Variants in DOCK5 observed in about 807,000 individuals in gnomAD.
The protein encoded by DOCK5 is dedicator of cytokinesis 5.
DOCK5 carries 142 observed loss-of-function variants against 251.8 expected under a neutral mutation model. That is an observed-to-expected ratio of 0.56 (90% confidence interval 0.49 to 0.65). The LOEUF (loss-of-function observed/expected upper bound fraction) is 0.65. Among genes scored for constraint, DOCK5 ranks in the 30% least tolerant of loss-of-function variants. The probability of loss-of-function intolerance (pLI) is 0.00; values close to 1 mark genes in which losing one functional copy is unlikely to be tolerated. For missense variants in DOCK5, 2,111 were observed against 2,312.3 expected (o/e 0.91, Z 1.79); for synonymous variants, 842 against 835.5 (o/e 1.01, Z -0.13).
At chr8:25,275,921 A>C (rs1359446471) in intron 4 of DOCK5, among the ~76,000 whole-genome samples, 1 of 152,238 alleles carries the variant, frequency 6.6e-6, no homozygotes, top group Non-Finnish European at 1.5e-5. Flanking sequence ...CTTTTCACTC[A>C]TACAATTCCT....
chr8:25,333,003 A>C (rs2117218885), intron 20 of DOCK5, among the ~76,000 whole-genome samples: 1 of 152,346 alleles, frequency 6.6e-6, no homozygotes, highest in East Asian at 1.9e-4. Context: ...GAGCATTGTT[A>C]CATGTTGGAT....
At position 25,380,334 on chromosome 8, in the gene DOCK5, A is replaced by G; in HGVS notation, c.3966A>G (p.Lys1322=). 9.3e-6 allele frequency: 15 copies of G among 1,612,202 alleles called. No individual in the cohort carries two copies. Among genetic ancestry groups the G allele is most frequent in the Non-Finnish European group, 1.3e-5 (15 of 1,179,124 alleles). Residue 1322 remains lysine, a synonymous_variant, in exon 39 of 52, where the codon AAA becomes AAG. Transcript: ENST00000276440. ...GGGAGAAGGCCATCAAGCTGAGCAA[A>G]GAGTTGGCTGAGACTTACGAAAGCA... is the stretch of plus-strand genomic sequence containing the variant. ...KMWEKAIKLS[K]ELAETYESKV...
At chr8:25,382,324 C>T (rs1021931885) in intron 39 of DOCK5, among the ~76,000 whole-genome samples, 5 of 152,162 alleles carry the variant, frequency 3.3e-5, no homozygotes, top group African/African-American at 9.7e-5. Context: ...TAAGTGCAGC[C>T]GCCTTCTGTG....
At chr8:25,355,349 A>G (rs527310965) in intron 27 of DOCK5, among the ~76,000 whole-genome samples, 4 of 152,338 alleles carry the variant, frequency 2.6e-5, no homozygotes, top group East Asian at 3.9e-4. Context: ...AGTAAAAATA[A>G]TTGTCATTAT....
rs150680064 is a variant in DOCK5, at chr8:25,411,197, G to A, written c.5512G>A (p.Ala1838Thr). 8.4e-5 allele frequency: 132 copies of A among 1,563,518 alleles called. No individual in the cohort carries two copies. In the African/African-American group the frequency reaches 1.6e-3, roughly 19 times the overall value. Residue 1838 changes from alanine to threonine, a missense_variant, in exon 52 of 52, where the codon GCT (alanine) becomes ACT (threonine). Coordinates refer to ENST00000276440, the MANE Select transcript of DOCK5 (RefSeq NM_024940.8). The stretch of plus-strand genomic sequence containing the variant: ...TTTTGTGTTTCTGCTTCTGCAGCTC[G>A]CTCCCCCACTGCCTGTCCGAAGAGA... ...EGSQRNSTEL[A>T]PPLPVRREAK...
chr8:25,199,373 C>G (rs1563305070), intron 1 of DOCK5, among the ~76,000 whole-genome samples: 2 of 134,328 alleles, frequency 1.5e-5, no homozygotes, highest in Non-Finnish European at 3.1e-5. Flanking sequence ...TCCATTTCCG[C>G]TCTGTTCTTT....
Position 25,411,289 on chromosome 8 carries a change from A to G in DOCK5, c.5604A>G (p.Gly1868=). 6.4e-7 allele frequency: 1 copy of G among 1,552,968 alleles called. No individual in the cohort carries two copies. The highest frequency in any genetic ancestry group is 8.7e-7 in the Non-Finnish European group (1 of 1,153,054). The change falls in exon 52 of 52, where the codon GGA becomes GGG. Residue 1868 remains glycine, a synonymous_variant. Coordinates refer to ENST00000276440, the MANE Select transcript of DOCK5 (RefSeq NM_024940.8). The part of the protein sequence containing the change: ...RKSGIPTSEP[G]SQ ...CTGGCATCCCTACTTCCGAGCCTGGATCCCAGTAAGGATCTTGCCCTCCCT... is the reference window on the plus strand; with the variant it reads ...CTGGCATCCCTACTTCCGAGCCTGGGTCCCAGTAAGGATCTTGCCCTCCCT...
chr8:25,230,968 A>G (rs1802653360), intron 1 of DOCK5, among the ~76,000 whole-genome samples: 1 of 152,154 alleles, frequency 6.6e-6, no homozygotes, highest in South Asian at 2.1e-4. Context: ...GATTCTCAGT[A>G]TATTAATCCT....
intron 1 of DOCK5, among the ~76,000 whole-genome samples, chr8:25,199,211 A>G (rs1358788853): frequency 2.0e-5 from 3 of 152,178 alleles, no homozygotes; most frequent in Non-Finnish European, 4.4e-5. Context: ...GGGTGAAGAA[A>G]GGGTCATGTA....
In DOCK5 at chr8:25,262,210, A is replaced by G. The variant is rs144022767; in HGVS notation, c.128-6635A>G. Among the ~76,000 whole-genome samples the G allele has an allele frequency of 2.4e-3, 362 of 152,264 alleles. 4 individuals are homozygous for G. Among genetic ancestry groups the G allele is most frequent in the African/African-American group, 8.3e-3 (345 of 41,558 alleles). The stretch of plus-strand genomic sequence containing the variant: ...CAGTTGCTCCATCTCCTTACCAGTG[A>G]TTGGCACAGTCAATCTTTTTAACTT... On this transcript the variant is annotated intron_variant, in intron 2 of 51. Coordinates refer to ENST00000276440, the MANE Select transcript of DOCK5 (RefSeq NM_024940.8).
At chr8:25,342,262 C>G in intron 24 of DOCK5, 139 bp from the exon 25 acceptor site, 1 of 612,494 alleles carries the variant, frequency 1.6e-6, no homozygotes, top group East Asian at 3.1e-5. Context: ...GCTGCCATGT[C>G]ATAAACTCTC....
chr8:25,197,523 A>G (rs1313241665), intron 1 of DOCK5, among the ~76,000 whole-genome samples: 1 of 150,918 alleles, frequency 6.6e-6, no homozygotes, highest in African/African-American at 2.4e-5. Flanking sequence ...TATCCACATC[A>G]GATAATAGTT....
intron 14 of DOCK5, chr8:25,317,345 C>T: frequency 2.1e-6 from 1 of 485,268 alleles, no homozygotes; most frequent in South Asian, 3.8e-5. Flanking sequence ...TTATATTTCT[C>T]CTGTGCTAAG....
At chr8:25,388,928 A>T in intron 40 of DOCK5, 163 bp from the exon 41 acceptor site, 1 of 633,670 alleles carries the variant, frequency 1.6e-6, no homozygotes, top group South Asian at 2.0e-5. Flanking sequence ...CTCTTGTAGG[A>T]TATGATGGTC....
chr8:25,217,549 T>G (rs1336698936), intron 1 of DOCK5, among the ~76,000 whole-genome samples: 1 of 152,136 alleles, frequency 6.6e-6, no homozygotes, highest in Non-Finnish European at 1.5e-5. Context: ...ATCAGGCAAA[T>G]AGAGTTGTTC....
At chr8:25,392,621 C>G (rs1801280991) in intron 43 of DOCK5, among the ~76,000 whole-genome samples, 175 bp from the exon 44 acceptor site, 2 of 152,176 alleles carry the variant, frequency 1.3e-5, no homozygotes, top group African/African-American at 4.8e-5. Context: ...CTTTAAACAT[C>G]CAGAATCCTT....
Position 25,414,144 on chromosome 8 carries a change from C to A in DOCK5, c.*2846C>A, listed in dbSNP as rs977978302. On this transcript the variant is annotated 3_prime_UTR_variant, in exon 52 of 52. Coordinates refer to ENST00000276440, the MANE Select transcript of DOCK5 (RefSeq NM_024940.8). ...TTCCTCTCTTTCTTTGTTCTAGTGA[C>A]TTGTCTTGCTTTAAGATTTTTTTTA... is the stretch of plus-strand genomic sequence containing the variant. The A allele has an allele frequency of 6.6e-6, 1 of 152,056 alleles. No homozygotes were observed. The highest frequency in any genetic ancestry group is 1.5e-5 in the Non-Finnish European group (1 of 68,020). 9.4% of individuals were successfully genotyped at this position (152,056 alleles called of 1,614,324 possible). A position where few individuals can be genotyped will look rare whatever the true frequency, so the allele number is the denominator to read the frequency against.
chr8:25,402,613 T>G (rs947587031), intron 47 of DOCK5, among the ~76,000 whole-genome samples: 8 of 151,894 alleles, frequency 5.3e-5, no homozygotes, highest in African/African-American at 1.9e-4. Flanking sequence ...AGCTAATTTT[T>G]AAAACTTTTT....
At chr8:25,249,939 A>G (rs781221863) in intron 2 of DOCK5, among the ~76,000 whole-genome samples, 7 of 152,210 alleles carry the variant, frequency 4.6e-5, no homozygotes, top group Non-Finnish European at 8.8e-5. Context: ...AATATGTATT[A>G]TGTAGGTACA....
Sources: allele counts gnomAD v4.1 joint callset (sites outside exome capture counted in the v4.1 genomes callset), GRCh38; gene constraint gnomAD v4.1.1; transcripts MANE v1.5; gene names NCBI Gene and HGNC (gene_info 2026-07-23, HGNC 2026-07-21).